NEK7: variants seen among roughly 807,000 people sequenced by gnomAD.
The protein encoded by NEK7 is serine/threonine-protein kinase Nek7.
A neutral mutation model predicts 44.6 loss-of-function variants in NEK7; 18 were observed. The observed-to-expected ratio is 0.40, with a 90% CI of 0.28 to 0.60. The LOEUF (loss-of-function observed/expected upper bound fraction) is 0.60, where lower values mean the gene tolerates loss of function less well. Among genes scored for constraint, NEK7 ranks in the 20% least tolerant of loss-of-function variants. The probability of loss-of-function intolerance (pLI) is 0.38; values close to 1 mark genes in which losing one functional copy is unlikely to be tolerated. For synonymous variants in NEK7, 130 were observed against 121.1 expected, an observed-to-expected ratio of 1.07 and a Z score of -0.48; for missense variants, 256 against 366.5, an observed-to-expected ratio of 0.70 and a Z score of 2.46.
chr1:198,181,311 G>A (rs1006532681), intron 1 of NEK7, among the ~76,000 whole-genome samples: 1 of 152,070 alleles, frequency 6.6e-6, no homozygotes, highest in African/African-American at 2.4e-5. Flanking sequence ...AGATTCTTCA[G>A]TAAGGGTGTC....
intron 1 of NEK7, among the ~76,000 whole-genome samples, chr1:198,164,107 A>C (rs773926215): frequency 5.3e-5 from 8 of 152,150 alleles, no homozygotes; most frequent in Non-Finnish European, 8.8e-5. Context: ...ACAACAACAA[A>C]AAATCAGCTG....
chr1:198,173,274 A>T (rs1664505859), intron 1 of NEK7, among the ~76,000 whole-genome samples: 1 of 152,032 alleles, frequency 6.6e-6, no homozygotes, highest in Admixed American at 6.6e-5. Context: ...ACAAAAAATT[A>T]AAAAATTAGC....
rs114669727 is a variant in NEK7, at chr1:198,240,155, C to T, written c.57+7518C>T. Among the ~76,000 whole-genome samples, 422 of 152,228 alleles carry T rather than the reference C, an allele frequency of 2.8e-3. 2 individuals are homozygous for T. Among genetic ancestry groups the T allele is most frequent in the African/African-American group, 9.7e-3 (403 of 41,544 alleles). On this transcript the variant is annotated intron_variant, in intron 2 of 9. Coordinates refer to ENST00000367385, the MANE Select transcript of NEK7 (RefSeq NM_133494.3). ...ATTCTAGAGTTATTTTAGAAAATGA[C>T]TGTGTGACAATATTGAATACTAAGA...
At chr1:198,181,140 A>G (rs1161880311) in intron 1 of NEK7, among the ~76,000 whole-genome samples, 1 of 152,100 alleles carries the variant, frequency 6.6e-6, no homozygotes, top group African/African-American at 2.4e-5. Context: ...GTTCAGAAAA[A>G]CAGCAACAAC....
intron 3 of NEK7, chr1:198,256,214 C>T (rs1468611632): frequency 5.7e-6 from 7 of 1,235,328 alleles, no homozygotes; most frequent in African/African-American, 1.5e-5. Flanking sequence ...AGATACCATC[C>T]AGAATCCTCA....
intron 9 of NEK7, among the ~76,000 whole-genome samples, chr1:198,303,958 AT>A (rs1654958586): frequency 6.6e-6 from 1 of 152,172 alleles, no homozygotes; most frequent in Non-Finnish European, 1.5e-5. Context: ...TTTCTTTCCT[AT>A]AAATTGTTTC....
At chr1:198,213,559 G>A (rs563987440) in intron 1 of NEK7, among the ~76,000 whole-genome samples, 23 of 152,264 alleles carry the variant, frequency 1.5e-4, no homozygotes, top group African/African-American at 5.1e-4. Context: ...CCTCGTTCAG[G>A]CTTGTATGAG....
chr1:198,203,094 G>A (rs968482347), intron 1 of NEK7, among the ~76,000 whole-genome samples: 52 of 132,456 alleles, frequency 3.9e-4, no homozygotes, highest in African/African-American at 1.5e-3. Flanking sequence ...ATCCTTCCCC[G>A]CTGCCAGTAA....
At chr1:198,174,634 T>G (rs1420487548) in intron 1 of NEK7, among the ~76,000 whole-genome samples, 1 of 152,210 alleles carries the variant, frequency 6.6e-6, no homozygotes, top group Non-Finnish European at 1.5e-5. Flanking sequence ...TCAGAAGACC[T>G]GAGCTAGAGT....
intron 1 of NEK7, among the ~76,000 whole-genome samples, chr1:198,204,574 C>T (rs1260432199): frequency 6.6e-6 from 1 of 151,802 alleles, no homozygotes; most frequent in Admixed American, 6.6e-5. Flanking sequence ...AAAAAATTAG[C>T]CGGGCAAGGT....
chr1:198,278,477 G>T (rs1654090356), intron 6 of NEK7, among the ~76,000 whole-genome samples: 1 of 151,728 alleles, frequency 6.6e-6, no homozygotes, highest in Non-Finnish European at 1.5e-5. Flanking sequence ...TTGATCCGCT[G>T]ATACTGAAGT....
chr1:198,218,421 CAAAATGGATTAAAGATTTAA>C (rs1401155262), intron 1 of NEK7, among the ~76,000 whole-genome samples: 2 of 151,686 alleles, frequency 1.3e-5, no homozygotes, highest in Non-Finnish European at 2.9e-5. Flanking sequence ...AAAGTTAACT[CAAAATGGATTAAAGATTTAA>C]ATCCAAGACC....
chr1:198,255,456 T>TAACATAAACATAAAA (rs1653223699), intron 3 of NEK7, among the ~76,000 whole-genome samples: 2 of 152,028 alleles, frequency 1.3e-5, no homozygotes, highest in African/African-American at 4.8e-5. Flanking sequence ...GATTATATTT[T>TAACATAAACATAAAA]ACATTGCAGA....
At chr1:198,222,503 A>ATT in intron 1 of NEK7, among the ~76,000 whole-genome samples, 1 of 151,972 alleles carries the variant, frequency 6.6e-6, no homozygotes. Context: ...TTTCCCCTCT[A>ATT]TTACCTACTT....
chr1:198,293,794 G>T (rs556235810), intron 8 of NEK7, among the ~76,000 whole-genome samples: 209 of 151,846 alleles, frequency 1.4e-3, no homozygotes, highest in African/African-American at 4.8e-3. Flanking sequence ...TTAAAAATTA[G>T]TCTATATCTA....
At chr1:198,233,815 T>C (rs1666471314) in intron 2 of NEK7, among the ~76,000 whole-genome samples, 1 of 148,492 alleles carries the variant, frequency 6.7e-6, no homozygotes, top group Admixed American at 6.8e-5. Flanking sequence ...AATAACCGTC[T>C]ACAAAAAACG....
intron 1 of NEK7, among the ~76,000 whole-genome samples, chr1:198,216,854 C>G (rs893113879): frequency 6.6e-6 from 1 of 151,420 alleles, no homozygotes; most frequent in Non-Finnish European, 1.5e-5. Context: ...TGATAATTAT[C>G]AATTTCCTCG....
intron 3 of NEK7, among the ~76,000 whole-genome samples, chr1:198,259,826 C>T (rs1469197164): frequency 6.6e-6 from 1 of 151,938 alleles, no homozygotes; most frequent in African/African-American, 2.4e-5. Context: ...CACACACACA[C>T]ATATATATTT....
intron 2 of NEK7, among the ~76,000 whole-genome samples, chr1:198,243,541 A>G (rs879261570): frequency 6.6e-5 from 10 of 152,164 alleles, no homozygotes; most frequent in Admixed American, 6.5e-4. Context: ...AACATAGGAG[A>G]GATAATCAGT....
Sources: allele counts gnomAD v4.1 joint callset (sites outside exome capture counted in the v4.1 genomes callset), GRCh38; gene constraint gnomAD v4.1.1; transcripts MANE v1.5; gene names NCBI Gene and HGNC (gene_info 2026-07-23, HGNC 2026-07-21).